The following CPQ variants were observed in gnomAD, a reference collection of about 807,000 sequenced individuals.
CPQ encodes carboxypeptidase Q.
In CPQ, 37 loss-of-function variants were observed where a neutral mutation model predicts 45.7. The ratio of observed to expected loss-of-function variants is 0.81; its 90% CI spans 0.62 to 1.07. The LOEUF is 1.07. CPQ is among the 50% of genes least tolerant of loss of function. CPQ has a pLI of 0.00. For missense variants in CPQ, 537 were observed against 572.9 expected, an observed-to-expected ratio of 0.94 and a Z score of 0.64; for synonymous variants, 186 against 205.8, an observed-to-expected ratio of 0.90 and a Z score of 0.82.
chr8:97,040,252 C>T (rs1368095106), intron 6 of CPQ, among the ~76,000 whole-genome samples: 5 of 152,170 alleles, frequency 3.3e-5, no homozygotes, highest in African/African-American at 1.2e-4. Flanking sequence ...AGCATTTTTT[C>T]ATGTGTCTGT....
intron 5 of CPQ, among the ~76,000 whole-genome samples, chr8:97,001,721 C>CTTTTTTTTTTTTTTTT (rs61282246): frequency 2.9e-3 from 269 of 92,084 alleles, no homozygotes; most frequent in East Asian, 4.2e-3. Flanking sequence ...TTCTTTCTTT[C>CTTTTTTTTTTTTTTTT]TTTTTTTTTT....
intron 4 of CPQ, among the ~76,000 whole-genome samples, chr8:96,922,726 A>G (rs574075000): frequency 2.0e-5 from 3 of 152,252 alleles, no homozygotes; most frequent in Non-Finnish European, 4.4e-5. Flanking sequence ...GAATGGAAAG[A>G]TGCTACATAT....
intron 2 of CPQ, among the ~76,000 whole-genome samples, chr8:96,806,061 G>A (rs1265325986): frequency 6.6e-6 from 1 of 152,088 alleles, no homozygotes; most frequent in Non-Finnish European, 1.5e-5. Context: ...AACCAACCTA[G>A]GATTAAGAGT....
intron 7 of CPQ, among the ~76,000 whole-genome samples, chr8:97,124,225 CAAAAAAAAA>C (rs34933920): frequency 7.0e-5 from 3 of 42,562 alleles, no homozygotes; most frequent in African/African-American, 8.6e-5. Context: ...GACTCCGTCT[CAAAAAAAAA>C]AAAAAAAAAA....
intron 2 of CPQ, among the ~76,000 whole-genome samples, chr8:96,805,080 G>A (rs1056252112): frequency 2.6e-5 from 4 of 152,158 alleles, no homozygotes; most frequent in Non-Finnish European, 5.9e-5. Flanking sequence ...AGCTAATGAT[G>A]TGCAAGCAGA....
intron 4 of CPQ, among the ~76,000 whole-genome samples, chr8:96,952,476 T>A (rs761154022): frequency 6.6e-6 from 1 of 152,132 alleles, no homozygotes; most frequent in African/African-American, 2.4e-5. Context: ...TTGGGAGCTG[T>A]CAAGAAGGTT....
chr8:96,804,904 A>G (rs781426821), intron 2 of CPQ, among the ~76,000 whole-genome samples: 4 of 152,122 alleles, frequency 2.6e-5, no homozygotes, highest in Non-Finnish European at 5.9e-5. Flanking sequence ...TTACCATAAA[A>G]CATTTAGTGC....
At chr8:96,986,719 T>C (rs1439114685) in intron 5 of CPQ, among the ~76,000 whole-genome samples, 3 of 152,138 alleles carry the variant, frequency 2.0e-5, no homozygotes, top group Non-Finnish European at 2.9e-5. Context: ...TTTATGTAGT[T>C]AGAGAGAGAG....
chr8:97,050,259 A>AT (rs1217511075), intron 6 of CPQ, among the ~76,000 whole-genome samples: 5 of 152,236 alleles, frequency 3.3e-5, no homozygotes, highest in Non-Finnish European at 4.4e-5. Context: ...ATGGACTGTA[A>AT]TTTAAAATTT....
At chr8:97,127,702 A>C (rs1302589222) in intron 7 of CPQ, among the ~76,000 whole-genome samples, 1 of 152,226 alleles carries the variant, frequency 6.6e-6, no homozygotes, top group Non-Finnish European at 1.5e-5. Context: ...AAAAATGAAA[A>C]AAAGAAAAAG....
intron 4 of CPQ, among the ~76,000 whole-genome samples, chr8:96,924,790 G>T (rs893413738): frequency 6.6e-6 from 1 of 152,174 alleles, no homozygotes; most frequent in Non-Finnish European, 1.5e-5. Context: ...TGAATTAATT[G>T]AAATATAAAC....
chr8:96,972,578 A>G (rs562981723), intron 5 of CPQ, among the ~76,000 whole-genome samples: 6 of 152,298 alleles, frequency 3.9e-5, no homozygotes, highest in African/African-American at 1.2e-4. Context: ...GCCAACCAAC[A>G]CAAAACCAAC....
intron 1 of CPQ, 95 bp from the exon 2 acceptor site, chr8:96,784,769 G>A: frequency 1.2e-6 from 1 of 851,902 alleles, no homozygotes; most frequent in Non-Finnish European, 1.8e-6. Context: ...GTTGGGAAGG[G>A]AAGGGGAATG....
intron 7 of CPQ, chr8:97,133,263 C>T (rs1207009491): frequency 6.6e-6 from 1 of 152,144 alleles, no homozygotes; most frequent in Non-Finnish European, 1.5e-5. Context: ...TCCCCCAATA[C>T]TCCTCATACC....
chr8:96,901,153 C>T (rs762492379), intron 4 of CPQ, among the ~76,000 whole-genome samples: 20 of 152,152 alleles, frequency 1.3e-4, no homozygotes, highest in Admixed American at 5.2e-4. Context: ...TAGCCTTTTC[C>T]GGTGTAGTCC....
At chr8:96,878,093 T>A (rs1812172203) in intron 3 of CPQ, among the ~76,000 whole-genome samples, 1 of 152,066 alleles carries the variant, frequency 6.6e-6, no homozygotes, top group Non-Finnish European at 1.5e-5. Flanking sequence ...ATACCTGTAA[T>A]CTCTGGGGAT....
At chr8:97,070,772 G>A (rs547879317) in intron 7 of CPQ, among the ~76,000 whole-genome samples, 4 of 152,086 alleles carry the variant, frequency 2.6e-5, no homozygotes, top group Admixed American at 6.5e-5. Context: ...GACCTAAGAG[G>A]GATTTAAGCT....
chr8:97,000,775 G>A (rs1809265028), intron 5 of CPQ, among the ~76,000 whole-genome samples: 1 of 152,126 alleles, frequency 6.6e-6, no homozygotes, highest in Admixed American at 6.6e-5. Flanking sequence ...GTTCTGTGAA[G>A]AATGTCAATG....
rs530548692 is a variant in CPQ at position 96,825,223 on chromosome 8, G to GA, written c.434-9742dup. Among the ~76,000 whole-genome samples, 14 of 151,824 alleles carry GA rather than the reference G, an allele frequency of 9.2e-5. No homozygotes were observed. In the East Asian group the frequency reaches 9.8e-4, roughly 11 times the overall value. ...TAAAAGACTTGTGCCTGGGGCTTCT[G>GA]AAAAAAAATGAAGTCTCCTCTGTCT... On this transcript the variant is annotated intron_variant, in intron 2 of 7. Coordinates refer to ENST00000220763, the MANE Select transcript of CPQ (RefSeq NM_016134.4).
Sources: allele counts gnomAD v4.1 joint callset (sites outside exome capture counted in the v4.1 genomes callset), GRCh38; gene constraint gnomAD v4.1.1; transcripts MANE v1.5; gene names NCBI Gene and HGNC (gene_info 2026-07-23, HGNC 2026-07-21).